Variants in MYO3A observed in about 807,000 individuals in gnomAD.
MYO3A encodes the protein myosin IIIA.
Under a neutral mutation model 192.7 loss-of-function variants are expected in MYO3A, and 180 were observed. The observed-to-expected ratio is 0.93, with a 90% confidence interval of 0.83 to 1.06. The LOEUF is 1.06. Ranked by LOEUF, MYO3A falls within the 50% of genes least tolerant of loss-of-function variation. The pLI is 0.00. For synonymous variants in MYO3A, 628 were observed against 645.3 expected, an observed-to-expected ratio of 0.97 and a Z score of 0.41; for missense variants, 1,896 against 1,905.0, an observed-to-expected ratio of 1.00 and a Z score of 0.09.
intron 20 of MYO3A, among the ~76,000 whole-genome samples, chr10:26,142,829 A>G (rs1056430391): frequency 6.6e-6 from 1 of 152,226 alleles, no homozygotes; most frequent in Admixed American, 6.5e-5. Flanking sequence ...TCTAAGATGT[A>G]TCTAGTTAAA....
chr10:25,956,151 C>T (rs907207305), intron 4 of MYO3A, among the ~76,000 whole-genome samples: 6 of 152,084 alleles, frequency 3.9e-5, no homozygotes, highest in African/African-American at 1.2e-4. Context: ...ATCTTAAAAC[C>T]GCATTCATGA....
At chr10:25,958,844 G>A (rs188556757) in intron 4 of MYO3A, among the ~76,000 whole-genome samples, 8 of 151,672 alleles carry the variant, frequency 5.3e-5, no homozygotes, top group Non-Finnish European at 1.0e-4. Flanking sequence ...TATTCATTTT[G>A]TGGCAATTTT....
intron 10 of MYO3A, 150 bp downstream of exon 10, chr10:26,026,682 A>C (rs1347383296): frequency 1.1e-6 from 1 of 914,298 alleles, no homozygotes; most frequent in African/African-American, 1.7e-5. Context: ...ATGCCTCTCA[A>C]TATTGGTAAA....
At position 26,211,623 on chromosome 10, in the gene MYO3A, C is replaced by CA. The variant is rs146748264; in HGVS notation, c.4731-219dup. Among the ~76,000 whole-genome samples the CA allele has an allele frequency of 0.066, 9,994 of 152,256 alleles. 1,067 individuals are homozygous for CA. The highest frequency in any genetic ancestry group is 0.23 in the African/African-American group (9,382 of 41,506). ...GTATCTAAACACCATTACCAGGCTC[C>CA]ACCAGCCCCTCTGCTCCTCAGCTTA... On this transcript the variant is annotated intron_variant, in intron 34 of 34. Transcript: ENST00000642920.
intron 26 of MYO3A, among the ~76,000 whole-genome samples, chr10:26,161,938 G>C (rs1452880740): frequency 1.3e-5 from 2 of 152,112 alleles, no homozygotes; most frequent in Non-Finnish European, 2.9e-5. Flanking sequence ...GACCCACTGT[G>C]TTCCAGTCCT....
At chr10:26,084,309 T>C (rs542024223) in intron 14 of MYO3A, among the ~76,000 whole-genome samples, 1 of 152,348 alleles carries the variant, frequency 6.6e-6, no homozygotes, top group African/African-American at 2.4e-5. Flanking sequence ...ACATGATGTA[T>C]AATCTTTTTA....
intron 31 of MYO3A, among the ~76,000 whole-genome samples, chr10:26,186,319 T>A (rs1332420768): frequency 6.7e-6 from 1 of 148,242 alleles, no homozygotes; most frequent in Non-Finnish European, 1.5e-5. Context: ...CAGGCTGGAG[T>A]GCATTGACGT....
intron 10 of MYO3A, among the ~76,000 whole-genome samples, chr10:26,052,388 T>C (rs1320957387): frequency 1.3e-5 from 2 of 152,226 alleles, no homozygotes; most frequent in Non-Finnish European, 2.9e-5. Flanking sequence ...TTGGTCACTA[T>C]GATATCTGTC....
At chr10:26,143,685 A>T in intron 21 of MYO3A, 84 bp downstream of exon 21, 1 of 1,525,002 alleles carries the variant, frequency 6.6e-7, no homozygotes, top group Non-Finnish European at 9.1e-7. Flanking sequence ...GCTTTAAATT[A>T]TCTGGAAGAA....
At chr10:26,076,676 G>T (rs1208295572) in intron 14 of MYO3A, among the ~76,000 whole-genome samples, 1 of 152,092 alleles carries the variant, frequency 6.6e-6, no homozygotes, top group Non-Finnish European at 1.5e-5. Flanking sequence ...TTTGTGTAAG[G>T]TGAGAGATGA....
At chr10:26,064,366 G>T (rs1834684598) in intron 10 of MYO3A, among the ~76,000 whole-genome samples, 1 of 152,174 alleles carries the variant, frequency 6.6e-6, no homozygotes, top group African/African-American at 2.4e-5. Flanking sequence ...AAGCCAATGA[G>T]GTTGGAAAGA....
At chr10:26,143,716 C>A in intron 21 of MYO3A, 115 bp downstream of exon 21, 1 of 1,283,666 alleles carries the variant, frequency 7.8e-7, no homozygotes, top group Non-Finnish European at 1.1e-6. Flanking sequence ...ACAAAGCCTG[C>A]ATATTTGACT....
chr10:26,037,515 A>G (rs1588835706), intron 10 of MYO3A, among the ~76,000 whole-genome samples: 1 of 152,214 alleles, frequency 6.6e-6, no homozygotes, highest in East Asian at 1.9e-4. Flanking sequence ...ATTTTAATAT[A>G]TGGTGAGAGA....
At chr10:26,028,816 G>C (rs1190192298) in intron 10 of MYO3A, among the ~76,000 whole-genome samples, 1 of 152,132 alleles carries the variant, frequency 6.6e-6, no homozygotes, top group African/African-American at 2.4e-5. Context: ...TAGAGTCCTA[G>C]GGGAAATGTG....
intron 4 of MYO3A, among the ~76,000 whole-genome samples, chr10:25,978,451 A>G (rs1342898934): frequency 6.6e-6 from 1 of 152,188 alleles, no homozygotes; most frequent in Non-Finnish European, 1.5e-5. Context: ...TTCTATAACC[A>G]TCAAATATCA....
At chr10:26,009,304 C>G (rs972347203) in intron 6 of MYO3A, among the ~76,000 whole-genome samples, 3 of 152,056 alleles carry the variant, frequency 2.0e-5, no homozygotes, top group African/African-American at 7.2e-5. Flanking sequence ...GTGCAGCACA[C>G]CAGCACCAGC....
In MYO3A at chr10:26,050,311, T is replaced by C. The variant is rs531841604; in HGVS notation, c.954-16664T>C. Among the ~76,000 whole-genome samples the C allele has an allele frequency of 2.6e-5, 4 of 152,272 alleles. No individual in the cohort carries two copies. In the East Asian group the frequency reaches 5.8e-4, roughly 22 times the overall value. On this transcript the variant is annotated intron_variant, in intron 10 of 34. Transcript: ENST00000642920. ...AAAATCAATGTAATAAAAACAATCA[T>C]ACACTCACCAGTGACCCATCATGCC...
intron 14 of MYO3A, among the ~76,000 whole-genome samples, chr10:26,076,020 G>A (rs1428453970): frequency 6.6e-6 from 1 of 150,564 alleles, no homozygotes; most frequent in Non-Finnish European, 1.5e-5. Flanking sequence ...CCCAGTAGTG[G>A]AATTTCTGGA....
chr10:26,185,046 C>T (rs1842796730), intron 31 of MYO3A, among the ~76,000 whole-genome samples: 1 of 152,114 alleles, frequency 6.6e-6, no homozygotes. Flanking sequence ...TTAAGCAGAG[C>T]AATCATAGTC....
Sources: gnomAD v4.1 joint callset for allele counts (sites outside exome capture counted in the v4.1 genomes callset) on GRCh38, gnomAD v4.1.1 for gene constraint, MANE v1.5 for transcripts, NCBI Gene and HGNC (gene_info 2026-07-23, HGNC 2026-07-21) for gene names.